Variants in NEB observed in about 807,000 individuals in gnomAD.
The protein encoded by NEB is nemaline myopathy type 2.
A neutral mutation model predicts 952.2 loss-of-function variants in NEB; 512 were observed. That is an observed-to-expected ratio of 0.54 (90% CI 0.50 to 0.58). The LOEUF (loss-of-function observed/expected upper bound fraction) is 0.58, where lower values mean the gene tolerates loss of function less well. Ranked by LOEUF, NEB falls within the 20% of genes least tolerant of loss-of-function variation. NEB has a pLI of 0.00. For missense variants in NEB, 8,428 were observed against 9,231.1 expected (o/e 0.91, Z 3.56); for synonymous variants, 2,900 against 3,149.8 (o/e 0.92, Z 2.66).
chr2:151,643,222 T>C lies in NEB; in HGVS notation c.8088A>G (p.Gln2696=), dbSNP rs778456669. 5.0e-6 allele frequency: 8 copies of C among 1,613,980 alleles called. No individual in the cohort carries two copies. ...SDHVYRQHPD[Q]FKFSSLMDSI... The stretch of plus-strand genomic sequence containing the variant: ...AATCCATAAGGCTGGAAAACTTAAA[T>C]TGATCTGGGTGCTGACGGTAAACAT... Residue 2696 remains glutamine (Q), a synonymous_variant, in exon 58 of 182, where the codon CAA becomes CAG. Transcript: ENST00000397345.
intron 130 of NEB, 146 bp from the exon 131 acceptor site, chr2:151,548,561 T>C (rs920892630): frequency 1.3e-5 from 8 of 597,450 alleles, no homozygotes; most frequent in Non-Finnish European, 2.4e-5. Flanking sequence ...TGACAAAATT[T>C]CAATATTAAT....
intron 34 of NEB, 95 bp downstream of exon 34, chr2:151,677,470 G>T (rs1460177100): frequency 7.9e-6 from 7 of 883,934 alleles, no homozygotes; most frequent in Non-Finnish European, 1.1e-5. Context: ...AAAATGGAAA[G>T]ATATTGGCCC....
intron 27 of NEB, among the ~76,000 whole-genome samples, chr2:151,686,016 C>T (rs2099495478): frequency 6.6e-6 from 1 of 152,136 alleles, no homozygotes; most frequent in South Asian, 2.1e-4. Context: ...AAAATTGAGA[C>T]CCTGGTTTAT....
intron 74 of NEB, 75 bp downstream of exon 74, chr2:151,618,199 AT>A: frequency 7.6e-7 from 1 of 1,308,990 alleles, no homozygotes; most frequent in South Asian, 1.2e-5. Flanking sequence ...TATCTTTAAA[AT>A]GCAATAATAT....
At chr2:151,556,177 A>G (rs1230645162) in intron 124 of NEB, among the ~76,000 whole-genome samples, 2 of 152,220 alleles carry the variant, frequency 1.3e-5, no homozygotes, top group Admixed American at 6.5e-5. Flanking sequence ...AAATAATTCC[A>G]TAGACTGTCT....
At chr2:151,661,422 C>T (rs2099148161) in intron 46 of NEB, among the ~76,000 whole-genome samples, 1 of 152,144 alleles carries the variant, frequency 6.6e-6, no homozygotes, top group African/African-American at 2.4e-5. Flanking sequence ...ACAACTATGG[C>T]CATTATTTTC....
chr2:151,507,217 G>T, intron 162 of NEB: 1 of 494,190 alleles, frequency 2.0e-6, no homozygotes, highest in Non-Finnish European at 3.6e-6. Context: ...AAAGCTAGGG[G>T]TTTGTTTTTG....
intron 147 of NEB, 98 bp from the exon 148 acceptor site, chr2:151,527,120 A>C (rs1294986799): frequency 7.9e-6 from 6 of 756,890 alleles, no homozygotes; most frequent in African/African-American, 7.0e-5. Flanking sequence ...TAAGGAGAGG[A>C]CAAAGACTTG....
In NEB at chr2:151,676,569, C is replaced by G. The variant is rs566144499; in HGVS notation, c.3774+996G>C. The stretch of plus-strand genomic sequence containing the variant: ...TACGAGTCCCTTACTAATCAGGTTA[C>G]AATCCTGAACCTTTTGCTTTTACAC... On this transcript the variant is annotated intron_variant, in intron 34 of 181. Transcript: ENST00000397345. 2.2e-4 allele frequency among the ~76,000 whole-genome samples: 33 copies of G among 152,332 alleles called. 1 individual carries two copies. Among genetic ancestry groups the G allele is most frequent in the African/African-American group, 7.9e-4 (33 of 41,560 alleles).
chr2:151,639,538 T>C (rs542423499), intron 62 of NEB, among the ~76,000 whole-genome samples, 154 bp from the exon 63 acceptor site: 1 of 152,350 alleles, frequency 6.6e-6, no homozygotes, highest in East Asian at 1.9e-4. Context: ...AATAAGTTCA[T>C]AAAGGAATGT....
At chr2:151,486,211 A>C in intron 181 of NEB, 1 of 321,462 alleles carries the variant, frequency 3.1e-6, no homozygotes, top group East Asian at 5.5e-5. Flanking sequence ...ACATTTCTCC[A>C]AAAAAGATAG....
intron 43 of NEB, 33 bp from the exon 44 acceptor site, chr2:151,664,641 T>C (rs375062057): frequency 6.4e-7 from 1 of 1,563,416 alleles, no homozygotes. Context: ...AACAGCATCT[T>C]GTTATTGGGG....
chr2:151,667,717 G>A, intron 40 of NEB, 87 bp downstream of exon 40: 1 of 943,484 alleles, frequency 1.1e-6, no homozygotes, highest in South Asian at 1.8e-5. Flanking sequence ...TTTCTGTAGA[G>A]ACAGGGTCTT....
intron 54 of NEB, among the ~76,000 whole-genome samples, chr2:151,649,183 A>C (rs1338687859): frequency 6.6e-6 from 1 of 152,224 alleles, no homozygotes. Context: ...TCATCATAAA[A>C]ATAGTAAAAG....
chr2:151,689,289 C>T (rs2099527869), intron 24 of NEB: 1 of 149,702 alleles, frequency 6.7e-6, no homozygotes, highest in Non-Finnish European at 1.5e-5. Context: ...ACTGCAACCT[C>T]CGCCTCCCAG....
chr2:151,712,871 A>G (rs959026834), intron 10 of NEB, among the ~76,000 whole-genome samples: 1 of 151,942 alleles, frequency 6.6e-6, no homozygotes, highest in African/African-American at 2.4e-5. Flanking sequence ...CCTTCCCAAC[A>G]TCCAAACACA....
chr2:151,658,954 C>T, intron 47 of NEB, 111 bp downstream of exon 47: 1 of 896,380 alleles, frequency 1.1e-6, no homozygotes, highest in Non-Finnish European at 1.9e-6. Context: ...GGATTTCCAC[C>T]ATTATTTTTA....
intron 121 of NEB, among the ~76,000 whole-genome samples, chr2:151,561,763 C>T (rs2096077861): frequency 6.6e-6 from 1 of 152,112 alleles, no homozygotes. Context: ...TCTTTTTCCT[C>T]CAAAACTTAT....
At chr2:151,555,266 T>C (rs1320126602) in intron 124 of NEB, among the ~76,000 whole-genome samples, 1 of 152,206 alleles carries the variant, frequency 6.6e-6, no homozygotes. Context: ...TCAAAAGTAC[T>C]TTTAAACCAC....
Sources: gnomAD v4.1 joint callset for allele counts (sites outside exome capture counted in the v4.1 genomes callset) on GRCh38, gnomAD v4.1.1 for gene constraint, MANE v1.5 for transcripts, NCBI Gene and HGNC (gene_info 2026-07-23, HGNC 2026-07-21) for gene names.